PCDHGB7: variants seen among roughly 807,000 people sequenced by gnomAD.
PCDHGB7 encodes protocadherin gamma subfamily B, 7.
A neutral mutation model predicts 61.4 loss-of-function variants in PCDHGB7; 37 were observed. The observed-to-expected ratio is 0.60, with a 90% confidence interval of 0.46 to 0.79. The LOEUF (loss-of-function observed/expected upper bound fraction) is 0.79, where lower values mean the gene tolerates loss of function less well. PCDHGB7 is among the 30% of genes least tolerant of loss of function. PCDHGB7 has a pLI of 0.00. For synonymous variants in PCDHGB7, 464 were observed against 503.5 expected (o/e 0.92, Z 1.05); for missense variants, 1,166 against 1,202.5 (o/e 0.97, Z 0.45).
intron 2 of PCDHGB7, among the ~76,000 whole-genome samples, chr5:141,502,787 G>T (rs2099816081): frequency 6.6e-6 from 1 of 151,394 alleles, no homozygotes; most frequent in African/African-American, 2.4e-5. Flanking sequence ...TTACCTGGAT[G>T]ATTTCTTCAG....
At position 141,485,336 on chromosome 5, in the gene PCDHGB7, G is replaced by A. The variant is rs755039880; in HGVS notation, c.2416-9471G>A. Reference sequence around the variant, plus strand: ...GAATGTCGCTCAAGATTTCCTGCTGGATACGGACAGTCTGTCAGCTCGCAG... The same window carrying A: ...GAATGTCGCTCAAGATTTCCTGCTGAATACGGACAGTCTGTCAGCTCGCAG... On this transcript the variant is annotated intron_variant, in intron 1 of 3. Transcript: ENST00000398594. The surrounding 1 kb of genome is among the most constrained non-coding windows in gnomAD (Gnocchi z 5.7). 3 of 1,614,176 alleles carry A rather than the reference G, an allele frequency of 1.9e-6. No homozygotes were observed. In the South Asian group the frequency reaches 3.3e-5, roughly 18 times the overall value.
chr5:141,510,083 G>A (rs2099879432), intron 3 of PCDHGB7, among the ~76,000 whole-genome samples: 1 of 152,104 alleles, frequency 6.6e-6, no homozygotes, highest in Non-Finnish European at 1.5e-5. Flanking sequence ...CAGAGTGCCT[G>A]GCACACAGTA....
chr5:141,490,584 T>G lies in PCDHGB7; in HGVS notation c.2416-4223T>G, dbSNP rs751060540. 1 of 1,614,170 alleles carries G rather than the reference T, an allele frequency of 6.2e-7. No individual in the cohort carries two copies. Among genetic ancestry groups the G allele is most frequent in the South Asian group, 1.1e-5 (1 of 91,080 alleles). ...TCAGGCTCAACATTTCAGATGTCAA[T>G]GACAATGCACCCCGCTTCAACCAGC... On this transcript the variant is annotated intron_variant, in intron 1 of 3. Transcript: ENST00000398594. This position sits in a 1 kb window ranked among gnomAD's most constrained non-coding sequence, Gnocchi z 5.4.
At position 141,417,894 on chromosome 5, in the gene PCDHGB7, G is replaced by A. The variant is rs751319373; in HGVS notation, c.35G>A (p.Gly12Asp). 21 of 1,573,688 alleles carry A rather than the reference G, an allele frequency of 1.3e-5. No individual in the cohort carries two copies. Among genetic ancestry groups the A allele is most frequent in the African/African-American group, 2.7e-5 (2 of 73,880 alleles). ...GGSCAQRRRA[G>D]PRQVLFPLLL... The stretch of plus-strand genomic sequence containing the variant: ...AGCTGCGCGCAGAGGCGCCGGGCCG[G>A]CCCGCGGCAGGTACTATTTCCTTTG... Residue 12 changes from glycine (G) to aspartate (D), a missense_variant, in exon 1 of 4, where the codon GGC becomes GAC. Transcript: ENST00000398594.
At chr5:141,422,002 G>A (rs754599902) in intron 1 of PCDHGB7, 41 of 1,609,306 alleles carry the variant, frequency 2.5e-5, no homozygotes, top group Non-Finnish European at 3.1e-5. Flanking sequence ...CATCAGCTCC[G>A]GAACTCGGGT....
rs1003050993 is a variant in PCDHGB7, at chr5:141,477,637, T to A, written c.2416-17170T>A. ...AAGGAGCTGAAACCGGGCTAGTGGG[T>A]CGCTATTTCACAATAAATCGTGACA... On this transcript the variant is annotated intron_variant, in intron 1 of 3. Transcript: ENST00000398594. This position sits in a 1 kb window ranked among gnomAD's most constrained non-coding sequence, Gnocchi z 4.9. 6.2e-7 allele frequency: 1 copy of A among 1,614,154 alleles called. No individual in the cohort carries two copies. Among genetic ancestry groups the A allele is most frequent in the African/African-American group, 1.3e-5 (1 of 75,040 alleles).
At chr5:141,502,203 C>G (rs1562205141) in intron 2 of PCDHGB7, among the ~76,000 whole-genome samples, 1 of 152,122 alleles carries the variant, frequency 6.6e-6, no homozygotes. Context: ...ATAGAATCCA[C>G]CAGCAGATTT....
Position 141,419,086 on chromosome 5 carries a change from C to G in PCDHGB7, c.1227C>G (p.Ala409=), listed in dbSNP as rs2096324558. The G allele has an allele frequency of 6.2e-7, 1 of 1,613,808 alleles. No individual in the cohort carries two copies. Among genetic ancestry groups the G allele is most frequent in the African/African-American group, 1.3e-5 (1 of 74,926 alleles). ...NNYYKLVTDE[A]LDREQTPEYN... ...ACTACAAGCTAGTAACAGATGAGGC[C>G]CTGGATCGGGAGCAGACCCCAGAGT... is the stretch of plus-strand genomic sequence containing the variant. The change falls in exon 1 of 4, where the codon GCC becomes GCG. Residue 409 remains alanine (A), a synonymous_variant. Transcript: ENST00000398594.
Position 141,426,915 on chromosome 5 carries a change from G to A in PCDHGB7, c.2415+6641G>A, listed in dbSNP as rs143411146. On this transcript the variant is annotated intron_variant, in intron 1 of 3. Coordinates refer to ENST00000398594, the MANE Select transcript of PCDHGB7 (RefSeq NM_018927.4). ...ACAGAGCTCTCATCTCCTGGTCCTG[G>A]AAGCAATGGACATGGGTGACCCAGT... 1,737 of 456,738 alleles carry A rather than the reference G, an allele frequency of 3.8e-3. 17 individuals carry two copies. Among genetic ancestry groups the A allele is most frequent in the Admixed American group, 0.01 (426 of 42,586 alleles). The allele number at this position is 456,738 out of a possible 1,614,324, so 28.3% of individuals were successfully genotyped here.
intron 2 of PCDHGB7, among the ~76,000 whole-genome samples, chr5:141,503,595 G>T (rs6892628): frequency 0.52 from 72,995 of 139,870 alleles, 19,322 homozygotes; most frequent in African/African-American, 0.64. Flanking sequence ...CGAGACTCCA[G>T]CTCAAAAAAA....
chr5:141,468,814 C>G (rs2099180978), intron 1 of PCDHGB7, among the ~76,000 whole-genome samples: 1 of 151,814 alleles, frequency 6.6e-6, no homozygotes, highest in African/African-American at 2.4e-5. Context: ...TGCAGTGAGC[C>G]AAGATCAAGC....
At position 141,511,410 on chromosome 5, in the gene PCDHGB7, T is replaced by A; in HGVS notation, c.*237T>A. The stretch of plus-strand genomic sequence containing the variant: ...GGAACCCCCATCCAATCAACTGCTG[T>A]ACCCATGGGGGTAGTGGGGTTACTG... On this transcript the variant is annotated 3_prime_UTR_variant, in exon 4 of 4. Coordinates refer to ENST00000398594, the MANE Select transcript of PCDHGB7 (RefSeq NM_018927.4). 1 of 908,820 alleles carries A rather than the reference T, an allele frequency of 1.1e-6. No individual in the cohort carries two copies. The highest frequency in any genetic ancestry group is 1.6e-6 in the Non-Finnish European group (1 of 624,202). 56.3% of individuals were successfully genotyped at this position (908,820 alleles called of 1,614,324 possible). A position where few individuals can be genotyped will look rare whatever the true frequency, so the allele number is the denominator to read the frequency against.
chr5:141,497,191 A>G (rs2099774633), intron 2 of PCDHGB7, among the ~76,000 whole-genome samples: 1 of 126,864 alleles, frequency 7.9e-6, no homozygotes, highest in Admixed American at 8.3e-5. Context: ...TGAGAGGCAG[A>G]GAACAATGTG....
chr5:141,467,736 G>A (rs1435480730), intron 1 of PCDHGB7, among the ~76,000 whole-genome samples: 1 of 151,902 alleles, frequency 6.6e-6, no homozygotes, highest in Non-Finnish European at 1.5e-5. Flanking sequence ...ATCCCAGCTC[G>A]CTGCAACCTC....
chr5:141,511,144 A>C lies in PCDHGB7; in HGVS notation c.2761A>C (p.Lys921Gln). 2 of 1,614,202 alleles carry C rather than the reference A, an allele frequency of 1.2e-6. No homozygotes were observed. The highest frequency in any genetic ancestry group is 1.7e-6 in the Non-Finnish European group (2 of 1,180,016). The change falls in exon 4 of 4, where the codon AAG becomes CAG. Residue 921 changes from lysine to glutamine, a missense_variant. By Grantham distance (53) the Lys-to-Gln change is moderately conservative. Transcript: ENST00000398594. Reference sequence around the variant, plus strand: ...CCCAGCAGGTGGCAATGGCAACAAGAAGAAGTCGGGCAAGAAGGAGAAGAA... The same window carrying C: ...CCCAGCAGGTGGCAATGGCAACAAGCAGAAGTCGGGCAAGAAGGAGAAGAA... ...KAPAGGNGNK[K>Q]KSGKKEKK
chr5:141,427,712 C>T, intron 1 of PCDHGB7: 2 of 1,051,468 alleles, frequency 1.9e-6, no homozygotes, highest in African/African-American at 1.6e-5. Context: ...GCGCCTCTGA[C>T]CTGGACCTAG....
At chr5:141,460,981 GTGTATATA>G (rs1342006423) in intron 1 of PCDHGB7, among the ~76,000 whole-genome samples, 30 of 121,890 alleles carry the variant, frequency 2.5e-4, no homozygotes, top group African/African-American at 5.8e-4. Flanking sequence ...GTGTGTGTGT[GTGTATATA>G]TATATATGTG....
rs1226558966 is a variant in PCDHGB7, at chr5:141,432,589, G to C, written c.2415+12315G>C. The C allele has an allele frequency of 6.2e-7, 1 of 1,613,916 alleles. No homozygotes were observed. The highest frequency in any genetic ancestry group is 8.5e-7 in the Non-Finnish European group (1 of 1,179,974). The stretch of plus-strand genomic sequence containing the variant: ...CCTGGCTGTCCTACCGTCTGCTCAA[G>C]GCCAGCGAGCCGGGACTCTTCTCGG... On this transcript the variant is annotated intron_variant, in intron 1 of 3. Coordinates refer to ENST00000398594, the MANE Select transcript of PCDHGB7 (RefSeq NM_018927.4). The surrounding 1 kb of genome is among the most constrained non-coding windows in gnomAD (Gnocchi z 6.0).
intron 1 of PCDHGB7, chr5:141,427,003 T>C: frequency 2.2e-6 from 1 of 456,764 alleles, no homozygotes; most frequent in South Asian, 1.5e-5. Flanking sequence ...GCCCCAGTTT[T>C]TAGCCAGGAT....
Sources: allele counts gnomAD v4.1 joint callset (sites outside exome capture counted in the v4.1 genomes callset), GRCh38; gene constraint gnomAD v4.1.1; non-coding constraint Gnocchi (gnomAD v3.1); transcripts MANE v1.5; gene names NCBI Gene and HGNC (gene_info 2026-07-23, HGNC 2026-07-21).